STARD13: variants seen among roughly 807,000 people sequenced by gnomAD.
STARD13 encodes stAR-related lipid transfer protein 13.
Under a neutral mutation model 106.4 loss-of-function variants are expected in STARD13, and 62 were observed. The ratio of observed to expected loss-of-function variants is 0.58; its 90% CI spans 0.48 to 0.72. The LOEUF (loss-of-function observed/expected upper bound fraction) is 0.72, where lower values mean the gene tolerates loss of function less well. Among genes scored for constraint, STARD13 ranks in the 30% least tolerant of loss-of-function variants. STARD13 has a pLI of 0.00. For missense variants in STARD13, 1,387 were observed against 1,424.0 expected, an observed-to-expected ratio of 0.97 and a Z score of 0.42; for synonymous variants, 565 against 553.0, an observed-to-expected ratio of 1.02 and a Z score of -0.31.
At chr13:33,175,448 C>T (rs1293727362) in intron 1 of STARD13, among the ~76,000 whole-genome samples, 1 of 152,184 alleles carries the variant, frequency 6.6e-6, no homozygotes, top group Non-Finnish European at 1.5e-5. Flanking sequence ...ACCACCAAGC[C>T]AGTAGAGTCT....
the STARD13 span, among the ~76,000 whole-genome samples, chr13:33,592,265 C>T: frequency 1.3e-5 from 2 of 152,098 alleles, no homozygotes; most frequent in Non-Finnish European, 2.9e-5. Context: ...AATCAAATCC[C>T]CTTTGGTATT....
chr13:33,275,828 A>T (rs1891399112), intron 1 of STARD13: 1 of 152,242 alleles, frequency 6.6e-6, no homozygotes, highest in African/African-American at 2.4e-5. Context: ...CTCCTGGAAG[A>T]TTGGCACAGA....
chr13:33,356,790 A>G, the STARD13 span, among the ~76,000 whole-genome samples: 3 of 152,238 alleles, frequency 2.0e-5, no homozygotes, highest in Admixed American at 2.0e-4. Context: ...AATTCTGAAT[A>G]GCCTCATGCT....
the STARD13 span, among the ~76,000 whole-genome samples, chr13:33,405,369 C>T: frequency 6.6e-6 from 1 of 152,236 alleles, no homozygotes; most frequent in Non-Finnish European, 1.5e-5. Context: ...CCCTCGTAGC[C>T]CCTCACTTGT....
the STARD13 span, among the ~76,000 whole-genome samples, chr13:33,575,091 A>G: frequency 6.6e-6 from 1 of 151,416 alleles, no homozygotes; most frequent in African/African-American, 2.4e-5. Flanking sequence ...TAATTTTTGT[A>G]TTTTTAGTAG....
the STARD13 span, chr13:33,439,829 G>T: frequency 2.2e-6 from 1 of 464,846 alleles, no homozygotes; most frequent in Non-Finnish European, 3.6e-6. Flanking sequence ...GAATCAAATG[G>T]CCTCCAGAAA....
the STARD13 span, among the ~76,000 whole-genome samples, chr13:33,432,518 A>G: frequency 1.3e-5 from 2 of 152,170 alleles, no homozygotes; most frequent in Admixed American, 6.5e-5. Flanking sequence ...AAATCTACCA[A>G]TATTTCCAAA....
intron 1 of STARD13, chr13:33,350,266 T>G (rs1208562964): frequency 7.3e-6 from 11 of 1,506,152 alleles, no homozygotes; most frequent in South Asian, 3.8e-5. Context: ...CCCCCGTGGG[T>G]CGCGGCGTCT....
At chr13:33,588,523 G>A in the STARD13 span, among the ~76,000 whole-genome samples, 1 of 151,996 alleles carries the variant, frequency 6.6e-6, no homozygotes, top group African/African-American at 2.4e-5. Context: ...AGAGATTTGG[G>A]GATTATATCT....
chr13:33,280,897 T>C (rs780761929), intron 1 of STARD13: 4 of 152,188 alleles, frequency 2.6e-5, no homozygotes, highest in African/African-American at 7.2e-5. Flanking sequence ...TTCTCTCAGA[T>C]CACACAATAA....
the STARD13 span, among the ~76,000 whole-genome samples, chr13:33,515,732 CG>C: frequency 3.3e-5 from 5 of 152,092 alleles, no homozygotes; most frequent in Non-Finnish European, 7.4e-5. Flanking sequence ...TGAAAGTCCA[CG>C]GTGAGGGATA....
chr13:33,394,764 A>G, the STARD13 span, among the ~76,000 whole-genome samples: 1 of 152,214 alleles, frequency 6.6e-6, no homozygotes, highest in Non-Finnish European at 1.5e-5. Flanking sequence ...CAGAGGTGTG[A>G]AAGATGTGAA....
At chr13:33,670,141 G>A in the STARD13 span, among the ~76,000 whole-genome samples, 1 of 152,216 alleles carries the variant, frequency 6.6e-6, no homozygotes, top group African/African-American at 2.4e-5. Context: ...AGCAAGGAAA[G>A]CCACAGGGGG....
chr13:33,268,362 A>T (rs112063731), intron 1 of STARD13, among the ~76,000 whole-genome samples: 40 of 152,186 alleles, frequency 2.6e-4, no homozygotes, highest in African/African-American at 9.6e-4. Context: ...GGGTATTTTC[A>T]TCTTCCCCAT....
At chr13:33,379,351 T>G in the STARD13 span, among the ~76,000 whole-genome samples, 2 of 152,202 alleles carry the variant, frequency 1.3e-5, no homozygotes, top group South Asian at 4.1e-4. Context: ...ATAAAAGCCA[T>G]ATAACAATAT....
At chr13:33,376,578 C>T in the STARD13 span, among the ~76,000 whole-genome samples, 4 of 151,640 alleles carry the variant, frequency 2.6e-5, no homozygotes, top group Non-Finnish European at 5.9e-5. Context: ...CCTGTGAATA[C>T]CCACCACACT....
intron 12 of STARD13, among the ~76,000 whole-genome samples, chr13:33,107,711 TG>T (rs1873962340): frequency 1.3e-5 from 2 of 151,944 alleles, no homozygotes. Flanking sequence ...TGTGCTGCCC[TG>T]GGAGGCAGTG....
At chr13:33,455,697 G>C in the STARD13 span, among the ~76,000 whole-genome samples, 1 of 152,128 alleles carries the variant, frequency 6.6e-6, no homozygotes, top group Non-Finnish European at 1.5e-5. Context: ...ACTGTGGGAG[G>C]CTGAGGTGGG....
At chr13:33,311,552 T>C (rs951966305) in intron 1 of STARD13, among the ~76,000 whole-genome samples, 2 of 152,354 alleles carry the variant, frequency 1.3e-5, no homozygotes, top group South Asian at 4.1e-4. Context: ...AGATAGGAGA[T>C]GTTTACCTTA....
Sources: gnomAD v4.1 joint callset for allele counts (sites outside exome capture counted in the v4.1 genomes callset) on GRCh38, gnomAD v4.1.1 for gene constraint, MANE v1.5 for transcripts, NCBI Gene and HGNC (gene_info 2026-07-23, HGNC 2026-07-21) for gene names.